AUTS2: variants seen among roughly 807,000 people sequenced by gnomAD.
AUTS2 encodes autism susceptibility gene 2 protein.
In AUTS2, 17 loss-of-function variants were observed where a neutral mutation model predicts 112.4. The observed-to-expected ratio is 0.15, with a 90% CI of 0.10 to 0.23. The LOEUF (loss-of-function observed/expected upper bound fraction) is 0.23, where lower values mean the gene tolerates loss of function less well. Among genes scored for constraint, AUTS2 ranks in the 10% least tolerant of loss-of-function variants. The pLI is 1.00. For missense variants in AUTS2, 1,510 were observed against 1,701.6 expected (o/e 0.89, Z 1.98); for synonymous variants, 751 against 702.7 (o/e 1.07, Z -1.09).
At chr7:70,560,314 A>G (rs1801430018) in intron 5 of AUTS2, among the ~76,000 whole-genome samples, 1 of 152,156 alleles carries the variant, frequency 6.6e-6, no homozygotes, top group Non-Finnish European at 1.5e-5. Context: ...ATCCATATAC[A>G]TCTATATTCA....
At chr7:69,630,821 A>C (rs890178367) in intron 1 of AUTS2, among the ~76,000 whole-genome samples, 1 of 152,192 alleles carries the variant, frequency 6.6e-6, no homozygotes, top group African/African-American at 2.4e-5. Context: ...GGGACCCAGA[A>C]ATCTATTCTG....
At chr7:70,084,660 T>G (rs893840703) in intron 2 of AUTS2, among the ~76,000 whole-genome samples, 23 of 152,304 alleles carry the variant, frequency 1.5e-4, no homozygotes, top group African/African-American at 5.3e-4. Flanking sequence ...CATGTGTGAT[T>G]TTTCATCTGT....
chr7:69,902,015 G>A (rs1274928066), intron 2 of AUTS2, among the ~76,000 whole-genome samples: 1 of 152,130 alleles, frequency 6.6e-6, no homozygotes, highest in Non-Finnish European at 1.5e-5. Context: ...AGGTAATGCC[G>A]TTTTGGAGTC....
At chr7:69,976,746 G>A (rs532276024) in intron 2 of AUTS2, among the ~76,000 whole-genome samples, 26 of 152,182 alleles carry the variant, frequency 1.7e-4, no homozygotes, top group African/African-American at 6.3e-4. Context: ...ATTATCTTTG[G>A]AGAAATTTCT....
chr7:70,241,868 T>G (rs1005143086), intron 4 of AUTS2, among the ~76,000 whole-genome samples: 4 of 152,198 alleles, frequency 2.6e-5, no homozygotes, highest in African/African-American at 7.2e-5. Flanking sequence ...AACCAGTGCC[T>G]GCCGACTTTG....
chr7:69,800,284 CAT>C (rs1258363192), intron 1 of AUTS2, among the ~76,000 whole-genome samples: 1 of 152,098 alleles, frequency 6.6e-6, no homozygotes, highest in Admixed American at 6.5e-5. Flanking sequence ...TAGTTGAGAA[CAT>C]GTGATAATTA....
Position 70,693,856 on chromosome 7 carries a change from G to C in AUTS2, c.691-4713G>C, listed in dbSNP as rs572419352. Among the ~76,000 whole-genome samples, 216 of 152,242 alleles carry C rather than the reference G, an allele frequency of 1.4e-3. 1 individual carries two copies. The highest frequency in any genetic ancestry group is 8.2e-3 in the East Asian group (42 of 5,138). On this transcript the variant is annotated intron_variant, in intron 5 of 18. Coordinates refer to ENST00000342771, the MANE Select transcript of AUTS2 (RefSeq NM_015570.4). The stretch of plus-strand genomic sequence containing the variant: ...CGCCCGCCCGCAAGGAAGGCAGCCG[G>C]GGGGAGCCGAGGGCTCGAGCCGCGG...
intron 2 of AUTS2, among the ~76,000 whole-genome samples, chr7:69,917,409 G>T (rs566254006): frequency 4.6e-4 from 66 of 143,158 alleles, no homozygotes; most frequent in African/African-American, 1.4e-3. Context: ...TTCCTTCAGT[G>T]AGTCTGATCT....
rs78948900 is a variant in AUTS2 at position 70,390,404 on chromosome 7, A to G, written c.661-45348A>G. Among the ~76,000 whole-genome samples the G allele has an allele frequency of 4.4e-3, 677 of 152,258 alleles. 6 individuals carry two copies. The highest frequency in any genetic ancestry group is 0.015 in the African/African-American group (637 of 41,556). On this transcript the variant is annotated intron_variant, in intron 4 of 18. Coordinates refer to ENST00000342771, the MANE Select transcript of AUTS2 (RefSeq NM_015570.4). The stretch of plus-strand genomic sequence containing the variant: ...GAGGAACACTAACATAATGAAAAGA[A>G]TTTAGAAATCAGGAAACCTTGGTTT...
At chr7:69,717,799 A>G (rs1306746036) in intron 1 of AUTS2, among the ~76,000 whole-genome samples, 2 of 152,108 alleles carry the variant, frequency 1.3e-5, no homozygotes, top group Non-Finnish European at 2.9e-5. Flanking sequence ...CACCCCCAAT[A>G]TATGCAGTGT....
At chr7:70,135,102 A>C (rs1262066766) in intron 4 of AUTS2, among the ~76,000 whole-genome samples, 3 of 152,122 alleles carry the variant, frequency 2.0e-5, no homozygotes, top group African/African-American at 7.2e-5. Context: ...ATTTTTGCTA[A>C]AATGCAAAGT....
chr7:69,902,548 A>G (rs1375685039), intron 2 of AUTS2, among the ~76,000 whole-genome samples: 1 of 152,218 alleles, frequency 6.6e-6, no homozygotes, highest in Non-Finnish European at 1.5e-5. Flanking sequence ...GCATCTTATT[A>G]GGAAATGGTA....
chr7:69,990,206 A>G (rs929844280), intron 2 of AUTS2, among the ~76,000 whole-genome samples: 3 of 152,208 alleles, frequency 2.0e-5, no homozygotes, highest in African/African-American at 4.8e-5. Flanking sequence ...TTTTTTGGGT[A>G]GGAGTAAATG....
intron 1 of AUTS2, among the ~76,000 whole-genome samples, chr7:69,733,995 C>T (rs1238292496): frequency 2.0e-5 from 3 of 152,070 alleles, no homozygotes; most frequent in Non-Finnish European, 4.4e-5. Context: ...TTCATTACCA[C>T]CGAGGATTTA....
At chr7:70,003,405 ATATATATGAATATGT>A (rs796403734) in intron 2 of AUTS2, among the ~76,000 whole-genome samples, 46 of 113,178 alleles carry the variant, frequency 4.1e-4, no homozygotes, top group East Asian at 1.5e-3. Flanking sequence ...AATATATATA[ATATATATGAATATGT>A]TATATATGAA....
chr7:70,451,897 G>A (rs1796548634), intron 5 of AUTS2, among the ~76,000 whole-genome samples: 1 of 152,158 alleles, frequency 6.6e-6, no homozygotes, highest in African/African-American at 2.4e-5. Flanking sequence ...AGCATGAACT[G>A]GGCCACCCAG....
At chr7:70,737,002 C>T (rs1008374974) in intron 6 of AUTS2, among the ~76,000 whole-genome samples, 1 of 152,182 alleles carries the variant, frequency 6.6e-6, no homozygotes, top group Non-Finnish European at 1.5e-5. Flanking sequence ...TCCCTCATAA[C>T]AGTCTCCCCA....
intron 4 of AUTS2, chr7:70,293,862 A>G (rs1788815606): frequency 6.6e-6 from 1 of 152,220 alleles, no homozygotes; most frequent in African/African-American, 2.4e-5. Context: ...TGGAGTGACC[A>G]GTGGCTTGAA....
chr7:70,534,449 CAG>C (rs1219392583), intron 5 of AUTS2, among the ~76,000 whole-genome samples: 1 of 151,316 alleles, frequency 6.6e-6, no homozygotes, highest in Non-Finnish European at 1.5e-5. Flanking sequence ...TGTTTTGAGA[CAG>C]AGTCTCACTC....
Sources: allele counts gnomAD v4.1 joint callset (sites outside exome capture counted in the v4.1 genomes callset), GRCh38; gene constraint gnomAD v4.1.1; transcripts MANE v1.5; gene names NCBI Gene and HGNC (gene_info 2026-07-23, HGNC 2026-07-21).